The following SLC3A2 variants were observed in gnomAD, a reference collection of about 807,000 sequenced individuals.
The protein encoded by SLC3A2 is amino acid transporter heavy chain SLC3A2.
Under a neutral mutation model 48.5 loss-of-function variants are expected in SLC3A2, and 32 were observed. The observed-to-expected ratio is 0.66, with a 90% CI of 0.50 to 0.89. The LOEUF (loss-of-function observed/expected upper bound fraction) is 0.89. Among genes scored for constraint, SLC3A2 ranks in the 40% least tolerant of loss-of-function variants. The probability of loss-of-function intolerance (pLI) is 0.00; values close to 1 mark genes in which losing one functional copy is unlikely to be tolerated. For missense variants in SLC3A2, 587 were observed against 680.7 expected, an observed-to-expected ratio of 0.86 and a Z score of 1.53; for synonymous variants, 277 against 288.8, an observed-to-expected ratio of 0.96 and a Z score of 0.41.
chr11:62,864,946 T>A (rs192224151), intron 1 of SLC3A2, among the ~76,000 whole-genome samples: 1 of 152,044 alleles, frequency 6.6e-6, no homozygotes, highest in East Asian at 1.9e-4. Context: ...TAGTGATGGG[T>A]CCATGGACAA....
intron 6 of SLC3A2, 30 bp from the exon 7 acceptor site, chr11:62,885,435 T>C (rs1381730263): frequency 1.5e-5 from 25 of 1,614,026 alleles, no homozygotes; most frequent in Non-Finnish European, 2.1e-5. Flanking sequence ...AGGTGGGTTA[T>C]GGGGCTCACT....
chr11:62,868,077 A>G (rs957243270), intron 1 of SLC3A2, among the ~76,000 whole-genome samples: 8 of 151,674 alleles, frequency 5.3e-5, no homozygotes, highest in Non-Finnish European at 1.0e-4. Context: ...TCCTGCCACC[A>G]TGCCCAGCTA....
intron 7 of SLC3A2, among the ~76,000 whole-genome samples, chr11:62,887,120 A>G (rs907972978): frequency 6.6e-6 from 1 of 152,212 alleles, no homozygotes; most frequent in Non-Finnish European, 1.5e-5. Flanking sequence ...CACTGAGGAT[A>G]CAGCATTGCA....
At chr11:62,871,177 CG>C (rs1555018863) in intron 1 of SLC3A2, among the ~76,000 whole-genome samples, 2 of 150,772 alleles carry the variant, frequency 1.3e-5, no homozygotes, top group Non-Finnish European at 2.9e-5. Context: ...CCATTGCGCC[CG>C]GCCTGATTAC....
At chr11:62,858,377 T>C (rs1008009772) in intron 1 of SLC3A2, among the ~76,000 whole-genome samples, 1 of 152,186 alleles carries the variant, frequency 6.6e-6, no homozygotes, top group Admixed American at 6.6e-5. Flanking sequence ...TTCAAAAGAA[T>C]CCAGAAGTCC....
chr11:62,887,256 T>C (rs1224670597), intron 7 of SLC3A2, among the ~76,000 whole-genome samples: 2 of 151,994 alleles, frequency 1.3e-5, no homozygotes, highest in East Asian at 1.9e-4. Context: ...GCTTGTTTTA[T>C]AGAGAGTAGC....
upstream of SLC3A2, among the ~76,000 whole-genome samples, chr11:62,878,286 T>C (rs2085590403): frequency 1.3e-5 from 2 of 152,166 alleles, no homozygotes; most frequent in African/African-American, 4.8e-5. Flanking sequence ...GTTCTCAACC[T>C]TGTTCTTACT....
chr11:62,878,299 T>C (rs2085590754), upstream of SLC3A2, among the ~76,000 whole-genome samples: 1 of 152,170 alleles, frequency 6.6e-6, no homozygotes, highest in African/African-American at 2.4e-5. Context: ...TTCTTACTTA[T>C]TTTTAGAGAC....
At chr11:62,880,821 C>T (rs2085623165), upstream of SLC3A2, 2 of 1,179,272 alleles carry the variant, frequency 1.7e-6, no homozygotes, top group South Asian at 1.7e-5. Context: ...GGGCAGTCCC[C>T]GAGGTTCCAC....
chr11:62,857,813 G>T lies in SLC3A2; in HGVS notation c.112+1432G>T, dbSNP rs990803554. ...TGTGTGGGAATGGCAGTCGGGAAAT[G>T]CTTTATAGAGTGTCTGGGCCTGAAA... On this transcript the variant is annotated intron_variant, in intron 1 of 9. Coordinates refer to the SLC3A2 transcript ENST00000377889. Among the ~76,000 whole-genome samples, 5 of 151,896 alleles carry T rather than the reference G, an allele frequency of 3.3e-5. No individual in the cohort carries two copies. In the East Asian group the frequency reaches 7.7e-4, roughly 23 times the overall value.
upstream of SLC3A2, among the ~76,000 whole-genome samples, chr11:62,878,751 A>T (rs1390655255): frequency 7.0e-6 from 1 of 143,842 alleles, no homozygotes; most frequent in African/African-American, 2.6e-5. Flanking sequence ...TGCTGGTATT[A>T]CAGGTGTGAG....
Position 62,882,938 on chromosome 11 carries a change from A to G in SLC3A2, c.629A>G (p.Asn210Ser). The change falls in exon 3 of 9, where the codon AAC becomes AGC. Residue 210 changes from asparagine (N) to serine (S), a missense_variant. This residue lies in a region of SLC3A2 where 409 missense variants were observed against 446.7 expected (regional missense o/e 0.92). Coordinates refer to ENST00000338663, the MANE Select transcript of SLC3A2 (RefSeq NM_001013251.3). ...SIRVILDLTP[N>S]YRGENSWFST... ...CGTGTCATTCTGGACCTTACTCCCA[A>G]CTACCGGGGTGAGAACTCGTGGTTC... 6.2e-7 allele frequency: 1 copy of G among 1,614,204 alleles called. No individual in the cohort carries two copies. The highest frequency in any genetic ancestry group is 1.1e-5 in the South Asian group (1 of 91,084).
intron 1 of SLC3A2, among the ~76,000 whole-genome samples, chr11:62,858,963 TCCATTG>T (rs1246865260): frequency 6.6e-6 from 1 of 152,178 alleles, no homozygotes; most frequent in African/African-American, 2.4e-5. Context: ...ACCGAGACAT[TCCATTG>T]CCCAGGGACG....
upstream of SLC3A2, chr11:62,880,849 G>A (rs2135006648): frequency 7.3e-7 from 1 of 1,366,802 alleles, no homozygotes; most frequent in South Asian, 1.6e-5. Context: ...GGCGGGCCGG[G>A]GCGGGGCTCC....
chr11:62,883,042 G>T, intron 3 of SLC3A2, 43 bp downstream of exon 3: 2 of 1,569,064 alleles, frequency 1.3e-6, no homozygotes, highest in Non-Finnish European at 1.8e-6. Context: ...AGATGCTGGG[G>T]CTGGGACAGT....
At chr11:62,876,980 G>A (rs566686093), upstream of SLC3A2, 17 of 984,556 alleles carry the variant, frequency 1.7e-5, no homozygotes, top group South Asian at 9.3e-5. Flanking sequence ...ATGATACAGC[G>A]TTATTTAAAT....
intron 1 of SLC3A2, among the ~76,000 whole-genome samples, chr11:62,872,058 A>G (rs2085522923): frequency 6.6e-6 from 1 of 152,204 alleles, no homozygotes; most frequent in East Asian, 1.9e-4. Context: ...GACTACAGGC[A>G]CACACCGCCA....
At chr11:62,884,742 G>T in intron 5 of SLC3A2, 52 bp downstream of exon 5, 1 of 1,425,896 alleles carries the variant, frequency 7.0e-7, no homozygotes, top group Non-Finnish European at 9.5e-7. Flanking sequence ...GAACCCCTCA[G>T]TGGAGTGCTA....
intron 7 of SLC3A2, among the ~76,000 whole-genome samples, chr11:62,887,178 G>T (rs571981232): frequency 6.6e-6 from 1 of 152,106 alleles, no homozygotes; most frequent in Non-Finnish European, 1.5e-5. Context: ...TAAATAAAAC[G>T]CCAGCTGCTG....
Sources: gnomAD v4.1 joint callset for allele counts (sites outside exome capture counted in the v4.1 genomes callset) on GRCh38, gnomAD v4.1.1 for gene constraint, gnomAD v4.1.1 regional missense constraint, MANE v1.5 for transcripts, NCBI Gene and HGNC (gene_info 2026-07-23, HGNC 2026-07-21) for gene names.